The following ARHGEF28 variants were observed in gnomAD, a reference collection of about 807,000 sequenced individuals.
The protein encoded by ARHGEF28 is Rho guanine nucleotide exchange factor 28, also known as 190 kDa guanine nucleotide exchange factor.
Under a neutral mutation model 206.6 loss-of-function variants are expected in ARHGEF28, and 152 were observed. The ratio of observed to expected loss-of-function variants is 0.74; its 90% CI spans 0.64 to 0.84. The LOEUF is 0.84. ARHGEF28 is among the 40% of genes least tolerant of loss of function. The pLI is 0.00. For missense variants in ARHGEF28, 2,028 were observed against 2,073.2 expected, an observed-to-expected ratio of 0.98 and a Z score of 0.42; for synonymous variants, 763 against 776.4, an observed-to-expected ratio of 0.98 and a Z score of 0.29.
intron 21 of ARHGEF28, 109 bp from the exon 22 acceptor site, chr5:73,872,890 A>T (rs1760195338): frequency 2.4e-6 from 3 of 1,260,594 alleles, no homozygotes; most frequent in Middle Eastern, 2.8e-4. Flanking sequence ...ATTCCTAAAC[A>T]TTTCTTTTTT....
intron 1 of ARHGEF28, among the ~76,000 whole-genome samples, chr5:73,654,636 G>A (rs149541957): frequency 4.6e-5 from 7 of 152,318 alleles, no homozygotes; most frequent in African/African-American, 1.7e-4. Context: ...TGACCTTGGG[G>A]AAGTCATCAG....
intron 9 of ARHGEF28, among the ~76,000 whole-genome samples, chr5:73,822,314 C>T (rs72770902): frequency 0.026 from 3,908 of 152,222 alleles, 86 homozygotes; most frequent in Non-Finnish European, 0.038. Flanking sequence ...TCTAAAGGAT[C>T]CCAGGAAGGT....
chr5:73,928,958 C>T (rs1043701461), intron 35 of ARHGEF28, among the ~76,000 whole-genome samples: 3 of 152,102 alleles, frequency 2.0e-5, no homozygotes, highest in East Asian at 1.9e-4. Flanking sequence ...TATTTTGAGA[C>T]GGAGTCTCGC....
At chr5:73,843,728 A>G (rs1758128602) in intron 11 of ARHGEF28, among the ~76,000 whole-genome samples, 1 of 152,186 alleles carries the variant, frequency 6.6e-6, no homozygotes, top group African/African-American at 2.4e-5. Flanking sequence ...ATATTATTTA[A>G]ATGTAATAAC....
At chr5:73,646,547 T>C (rs1388418605) in intron 1 of ARHGEF28, among the ~76,000 whole-genome samples, 1 of 152,236 alleles carries the variant, frequency 6.6e-6, no homozygotes, top group African/African-American at 2.4e-5. Flanking sequence ...GAGAGCTCAC[T>C]GTACACATCA....
At chr5:73,693,583 C>A (rs1280009548) in intron 2 of ARHGEF28, among the ~76,000 whole-genome samples, 11 of 152,196 alleles carry the variant, frequency 7.2e-5, no homozygotes, top group Non-Finnish European at 1.6e-4. Context: ...CTAGCTTAGC[C>A]AATGGAATCG....
At chr5:73,633,132 T>A (rs530321288) in intron 1 of ARHGEF28, among the ~76,000 whole-genome samples, 10 of 152,250 alleles carry the variant, frequency 6.6e-5, no homozygotes, top group African/African-American at 2.4e-4. Context: ...AATCTAATGT[T>A]GCCACTGCTC....
rs1377148993 is a variant in ARHGEF28 at position 73,869,243 on chromosome 5, A to ATG, written c.2426-824_2426-823dup. 3.7e-4 allele frequency among the ~76,000 whole-genome samples: 53 copies of ATG among 144,912 alleles called. 1 individual carries two copies. The highest frequency in any genetic ancestry group is 2.9e-3 in the Admixed American group (42 of 14,484). ...GGGGTGGAGGGGGGTGGGGAAGGGC[A>ATG]TGTATGTATGTGTGGTTTGTTTGTA... On this transcript the variant is annotated intron_variant, in intron 20 of 35. Transcript: ENST00000513042.
At chr5:73,796,474 G>A (rs1373198370) in intron 9 of ARHGEF28, among the ~76,000 whole-genome samples, 1 of 152,240 alleles carries the variant, frequency 6.6e-6, no homozygotes, top group East Asian at 1.9e-4. Context: ...GCCTACACGT[G>A]CATGGGGCTC....
intron 10 of ARHGEF28, among the ~76,000 whole-genome samples, chr5:73,835,667 G>T (rs546587987): frequency 6.6e-6 from 1 of 152,234 alleles, no homozygotes; most frequent in African/African-American, 2.4e-5. Flanking sequence ...ACCAGGAAAT[G>T]TAAGTGTTTC....
intron 7 of ARHGEF28, chr5:73,786,266 C>G (rs1340225369): frequency 6.6e-6 from 1 of 152,174 alleles, no homozygotes; most frequent in Non-Finnish European, 1.5e-5. Context: ...AGGAGTCAAT[C>G]CTACGCACTT....
chr5:73,632,612 T>TA (rs111269772), intron 1 of ARHGEF28, among the ~76,000 whole-genome samples: 1 of 152,222 alleles, frequency 6.6e-6, no homozygotes, highest in Non-Finnish European at 1.5e-5. Context: ...CTCTAACATT[T>TA]AAAAAAATTA....
At chr5:73,856,692 T>C (rs1759061347) in intron 14 of ARHGEF28, among the ~76,000 whole-genome samples, 1 of 152,172 alleles carries the variant, frequency 6.6e-6, no homozygotes. Context: ...ATATATATTT[T>C]GGTGTAAATC....
chr5:73,873,322 G>A, intron 22 of ARHGEF28, 76 bp downstream of exon 22: 9 of 1,473,464 alleles, frequency 6.1e-6, no homozygotes, highest in Admixed American at 4.8e-5. Context: ...TCATCAACAA[G>A]AGTAAAAAAA....
At chr5:73,898,157 CGTAAA>C (rs1329404152) in intron 30 of ARHGEF28, 64 bp downstream of exon 30, 51 of 1,559,530 alleles carry the variant, frequency 3.3e-5, no homozygotes, top group Admixed American at 3.6e-5. Context: ...ACAGTGGTCA[CGTAAA>C]GTAAAGGCAA....
chr5:73,833,903 A>G (rs564787534), intron 10 of ARHGEF28, among the ~76,000 whole-genome samples: 204 of 152,238 alleles, frequency 1.3e-3, no homozygotes, highest in African/African-American at 4.1e-3. Flanking sequence ...CCATGATTCA[A>G]TTATCTCCAC....
In ARHGEF28 at chr5:73,827,362, T is replaced by G. The variant is rs190609006; in HGVS notation, c.1025-4976T>G. Among the ~76,000 whole-genome samples the G allele has an allele frequency of 1.2e-4, 19 of 152,318 alleles. No individual in the cohort carries two copies. The East Asian group carries it at 1.7e-3, about 14-fold the overall frequency. On this transcript the variant is annotated intron_variant, in intron 9 of 35. Transcript: ENST00000513042. ...GGGTTGAAATTATTTTTAAAAAGAA[T>G]CAGAACTAAAATTATGCAACCTCAT...
At chr5:73,697,218 G>GAATCTCCTA (rs1462657105) in intron 2 of ARHGEF28, among the ~76,000 whole-genome samples, 1 of 152,164 alleles carries the variant, frequency 6.6e-6, no homozygotes, top group African/African-American at 2.4e-5. Flanking sequence ...AGTTCCTGAA[G>GAATCTCCTA]AATCTCCTAA....
chr5:73,854,327 A>G (rs1173100641), intron 14 of ARHGEF28, among the ~76,000 whole-genome samples: 3 of 151,254 alleles, frequency 2.0e-5, no homozygotes, highest in Non-Finnish European at 4.4e-5. Flanking sequence ...AAATGAGCTC[A>G]CTCTATACCT....
Sources: allele counts gnomAD v4.1 joint callset (sites outside exome capture counted in the v4.1 genomes callset), GRCh38; gene constraint gnomAD v4.1.1; transcripts MANE v1.5; gene names NCBI Gene and HGNC (gene_info 2026-07-23, HGNC 2026-07-21).